CHODL: variants seen among roughly 807,000 people sequenced by gnomAD.
The protein encoded by CHODL is chondrolectin.
CHODL carries 29 observed loss-of-function variants against 34.5 expected under a neutral mutation model. The ratio of observed to expected loss-of-function variants is 0.84; its 90% CI spans 0.63 to 1.15. The LOEUF (loss-of-function observed/expected upper bound fraction) is 1.15, where lower values mean the gene tolerates loss of function less well. Among genes scored for constraint, CHODL ranks in the 50% most tolerant of loss-of-function variants. CHODL has a pLI of 0.00. For missense variants in CHODL, 332 were observed against 332.5 expected (o/e 1.00, Z 0.01); for synonymous variants, 125 against 116.1 (o/e 1.08, Z -0.49).
At chr21:18,215,702 G>A (rs1463510933) in intron 2 of CHODL, among the ~76,000 whole-genome samples, 1 of 152,068 alleles carries the variant, frequency 6.6e-6, no homozygotes, top group African/African-American at 2.4e-5. Context: ...ATTTGATTTG[G>A]GTTTCCTCCT....
At position 18,174,161 on chromosome 21, in the gene CHODL, A is replaced by AT. The variant is rs2073276201; in HGVS notation, c.-44-82348_-44-82347insT. ...TATATATATATATATATATATATATAAAATCAAGTCTCTCAGAGTAGTGGT... is the reference window on the plus strand; with the variant it reads ...TATATATATATATATATATATATATATAAATCAAGTCTCTCAGAGTAGTGGT... On this transcript the variant is annotated intron_variant, in intron 2 of 6. Coordinates refer to the CHODL transcript ENST00000400127. Among the ~76,000 whole-genome samples the AT allele has an allele frequency of 3.2e-4, 27 of 85,506 alleles. 1 individual carries two copies. Among genetic ancestry groups the AT allele is most frequent in the East Asian group, 4.8e-4 (2 of 4,186 alleles). 56.1% of individuals were successfully genotyped at this position (85,506 alleles called of 152,430 possible). A position where few individuals can be genotyped will look rare whatever the true frequency, so the allele number is the denominator to read the frequency against.
intron 1 of CHODL, among the ~76,000 whole-genome samples, chr21:18,018,292 T>A (rs1372387273): frequency 6.6e-6 from 1 of 152,062 alleles, no homozygotes; most frequent in Non-Finnish European, 1.5e-5. Context: ...TTGGGAGAGG[T>A]CAAGGGTGGA....
intron 2 of CHODL, among the ~76,000 whole-genome samples, chr21:18,188,538 A>G (rs1246106931): frequency 6.6e-6 from 1 of 152,258 alleles, no homozygotes; most frequent in Non-Finnish European, 1.5e-5. Context: ...ACGAAAGATA[A>G]AAGAAGGAAG....
intron 1 of CHODL, among the ~76,000 whole-genome samples, chr21:18,003,913 A>G (rs1190790326): frequency 1.3e-5 from 2 of 152,194 alleles, no homozygotes; most frequent in Non-Finnish European, 2.9e-5. Flanking sequence ...GCATAAGAAT[A>G]ATTCTCATTA....
At chr21:18,008,201 C>T (rs1171111304) in intron 1 of CHODL, among the ~76,000 whole-genome samples, 1 of 151,576 alleles carries the variant, frequency 6.6e-6, no homozygotes, top group African/African-American at 2.4e-5. Context: ...GAAAAGTGCA[C>T]ACGTTGAGTG....
intron 1 of CHODL, among the ~76,000 whole-genome samples, chr21:17,928,752 G>T (rs933387323): frequency 6.6e-6 from 1 of 152,150 alleles, no homozygotes; most frequent in Non-Finnish European, 1.5e-5. Flanking sequence ...TAATTGGAAG[G>T]GGAGAAATGT....
In CHODL at chr21:18,257,134, A is replaced by C. The variant is rs768795438; in HGVS notation, c.547+7A>C. Reference sequence around the variant, plus strand: ...ATTTGCAAGTATGAACCAGGTAAGCAGTAGCAAAAGAAGGTATAGAAGATT... The same window carrying C: ...ATTTGCAAGTATGAACCAGGTAAGCCGTAGCAAAAGAAGGTATAGAAGATT... On this transcript the variant is annotated splice_region_variant and intron_variant, in intron 3 of 5. Transcript: ENST00000299295. 2 of 1,602,364 alleles carry C rather than the reference A, an allele frequency of 1.2e-6. No homozygotes were observed. Among genetic ancestry groups the C allele is most frequent in the South Asian group, 2.2e-5 (2 of 89,722 alleles).
At chr21:18,164,359 A>G (rs2073129839) in intron 2 of CHODL, among the ~76,000 whole-genome samples, 1 of 152,238 alleles carries the variant, frequency 6.6e-6, no homozygotes, top group Non-Finnish European at 1.5e-5. Flanking sequence ...GTGGCACTTT[A>G]AAAATAACTA....
At chr21:18,167,189 C>A (rs2073164611) in intron 2 of CHODL, among the ~76,000 whole-genome samples, 1 of 144,826 alleles carries the variant, frequency 6.9e-6, no homozygotes, top group South Asian at 2.2e-4. Flanking sequence ...AAAGTTATTT[C>A]ACCATTCCCA....
intron 2 of CHODL, among the ~76,000 whole-genome samples, chr21:18,181,010 G>T (rs1198649748): frequency 6.6e-6 from 1 of 152,126 alleles, no homozygotes; most frequent in Non-Finnish European, 1.5e-5. Flanking sequence ...AATAGCAACA[G>T]ATTTTTATTA....
At chr21:18,167,589 G>A (rs970666525) in intron 2 of CHODL, among the ~76,000 whole-genome samples, 8 of 152,114 alleles carry the variant, frequency 5.3e-5, no homozygotes, top group South Asian at 2.1e-4. Context: ...GTTTACAGGC[G>A]TGAGCCACCG....
intron 2 of CHODL, among the ~76,000 whole-genome samples, chr21:18,159,678 T>C (rs2073074062): frequency 6.6e-6 from 1 of 152,210 alleles, no homozygotes; most frequent in Admixed American, 6.5e-5. Flanking sequence ...CCAAAGGGGC[T>C]TTGCAGGTGT....
chr21:17,969,763 A>T (rs560576563), intron 1 of CHODL, among the ~76,000 whole-genome samples: 3 of 152,232 alleles, frequency 2.0e-5, no homozygotes, highest in East Asian at 3.8e-4. Context: ...ACTTTGAGGC[A>T]TTACTATGAT....
intron 2 of CHODL, among the ~76,000 whole-genome samples, chr21:18,145,119 A>G (rs576969454): frequency 1.7e-3 from 253 of 151,092 alleles, no homozygotes; most frequent in African/African-American, 5.8e-3. Flanking sequence ...AAAGCAGAAC[A>G]CTTCAACATC....
Position 18,034,565 on chromosome 21 carries a change from T to A in CHODL, c.-45+6594T>A, listed in dbSNP as rs555598066. 6 of 152,180 alleles carry A rather than the reference T, an allele frequency of 3.9e-5. No individual in the cohort carries two copies. The East Asian group carries it at 1.2e-3, about 30-fold the overall frequency. The allele number at this position is 152,180 out of a possible 1,614,324, so 9.4% of individuals were successfully genotyped here. ...GGAGTTAATGCCATGGCCTGGGTGG[T>A]CTAATAGAAGTGGAATATATTTGTA... On this transcript the variant is annotated intron_variant, in intron 2 of 6. Coordinates refer to the CHODL transcript ENST00000400127.
chr21:17,967,097 C>A (rs531320716), intron 1 of CHODL, among the ~76,000 whole-genome samples: 1 of 152,102 alleles, frequency 6.6e-6, no homozygotes, highest in Admixed American at 6.5e-5. Context: ...GTTGACCATG[C>A]TAGTCTCGAA....
intron 2 of CHODL, among the ~76,000 whole-genome samples, chr21:18,149,864 G>C (rs1294479671): frequency 4.6e-5 from 7 of 152,132 alleles, no homozygotes; most frequent in Non-Finnish European, 7.4e-5. Flanking sequence ...ATTTTGTACT[G>C]TCAACAAAAA....
intron 3 of CHODL, among the ~76,000 whole-genome samples, chr21:18,257,643 G>GA (rs2074333513): frequency 6.6e-6 from 1 of 152,060 alleles, no homozygotes; most frequent in African/African-American, 2.4e-5. Flanking sequence ...CCCCATAGTG[G>GA]AAAAAAGTAG....
intron 1 of CHODL, among the ~76,000 whole-genome samples, chr21:17,939,247 C>G (rs150612492): frequency 0.015 from 2,344 of 152,200 alleles, 23 homozygotes; most frequent in Non-Finnish European, 0.026. Context: ...TTCTCCTCCC[C>G]CCACCTCAGT....
Sources: gnomAD v4.1 joint callset for allele counts (sites outside exome capture counted in the v4.1 genomes callset) on GRCh38, gnomAD v4.1.1 for gene constraint, MANE v1.5 for transcripts, NCBI Gene and HGNC (gene_info 2026-07-23, HGNC 2026-07-21) for gene names.